Variants in TNR observed in about 807,000 individuals in gnomAD.
TNR encodes the protein tenascin R, also known as tenascin-R.
Under a neutral mutation model 150.4 loss-of-function variants are expected in TNR, and 45 were observed. The observed-to-expected ratio is 0.30, with a 90% CI of 0.24 to 0.38. The LOEUF (loss-of-function observed/expected upper bound fraction) is 0.38, where lower values mean the gene tolerates loss of function less well. TNR is among the 10% of genes least tolerant of loss of function. The pLI is 1.00. For synonymous variants in TNR, 687 were observed against 678.4 expected, an observed-to-expected ratio of 1.01 and a Z score of -0.20; for missense variants, 1,544 against 1,759.1, an observed-to-expected ratio of 0.88 and a Z score of 2.19.
intron 2 of TNR, among the ~76,000 whole-genome samples, chr1:175,431,634 A>AT (rs1655264353): frequency 7.9e-6 from 1 of 126,128 alleles, no homozygotes; most frequent in African/African-American, 3.2e-5. Context: ...ACTGACAATA[A>AT]CTTTTTTTTT....
At chr1:175,544,331 TAA>T (rs1660607784) in intron 1 of TNR, among the ~76,000 whole-genome samples, 1 of 152,064 alleles carries the variant, frequency 6.6e-6, no homozygotes, top group African/African-American at 2.4e-5. Context: ...GCAGAGTAAG[TAA>T]AGAGTAGGGA....
intron 1 of TNR, among the ~76,000 whole-genome samples, chr1:175,605,401 T>C (rs1472799378): frequency 6.6e-6 from 1 of 152,224 alleles, no homozygotes; most frequent in African/African-American, 2.4e-5. Context: ...CCAGCGCATG[T>C]ATACACTTAC....
chr1:175,568,733 G>A (rs915778255), intron 1 of TNR, among the ~76,000 whole-genome samples: 1 of 152,202 alleles, frequency 6.6e-6, no homozygotes, highest in Non-Finnish European at 1.5e-5. Context: ...AGAGCAATGT[G>A]CTGAGGCTAG....
chr1:175,687,852 C>T (rs1338448364), intron 1 of TNR, among the ~76,000 whole-genome samples: 3 of 152,046 alleles, frequency 2.0e-5, no homozygotes, highest in African/African-American at 7.2e-5. Flanking sequence ...TGTTAGCGCC[C>T]CCCACCACAC....
chr1:175,696,007 TGGATGGAC>T (rs1002599973), intron 1 of TNR, among the ~76,000 whole-genome samples: 74 of 152,038 alleles, frequency 4.9e-4, no homozygotes, highest in Middle Eastern at 6.8e-3. Context: ...GATGGATGGA[TGGATGGAC>T]AGATAGATTA....
intron 2 of TNR, among the ~76,000 whole-genome samples, chr1:175,503,366 G>A (rs764458989): frequency 2.6e-5 from 4 of 152,100 alleles, no homozygotes; most frequent in Non-Finnish European, 5.9e-5. Context: ...CATATGGAAG[G>A]AATCAATATA....
At chr1:175,522,069 A>C (rs578139923) in intron 2 of TNR, among the ~76,000 whole-genome samples, 13 of 152,174 alleles carry the variant, frequency 8.5e-5, no homozygotes, top group Admixed American at 6.5e-5. Context: ...CCTTTCTCTT[A>C]ATTTTCCTTT....
rs568019132 is a variant in TNR at position 175,549,617 on chromosome 1, C to A, written c.-164-21248G>T. On this transcript the variant is annotated intron_variant, in intron 1 of 22. Coordinates refer to ENST00000367674, the MANE Select transcript of TNR (RefSeq NM_003285.3). ...TGGGCCTGTCCTAATCGCATGAGAA[C>A]TTTAAAAGCCTTACTTTTTTTCAGC... 2.0e-5 allele frequency among the ~76,000 whole-genome samples: 3 copies of A among 152,262 alleles called. No homozygotes were observed. The South Asian group carries it at 6.2e-4, about 32-fold the overall frequency.
intron 2 of TNR, among the ~76,000 whole-genome samples, chr1:175,474,629 A>G (rs886364199): frequency 2.0e-5 from 3 of 152,250 alleles, no homozygotes; most frequent in Middle Eastern, 3.2e-3. Flanking sequence ...ATCCAAGGGC[A>G]TGAGAGGGCA....
intron 18 of TNR, among the ~76,000 whole-genome samples, chr1:175,348,932 A>T (rs1388761589): frequency 2.0e-5 from 3 of 152,238 alleles, no homozygotes; most frequent in African/African-American, 7.2e-5. Context: ...GACAAACTAT[A>T]TGAGCAGGAA....
intron 1 of TNR, among the ~76,000 whole-genome samples, chr1:175,674,304 C>T (rs1280448572): frequency 6.6e-6 from 1 of 152,216 alleles, no homozygotes; most frequent in Non-Finnish European, 1.5e-5. Context: ...AGCTCCCCTC[C>T]TGAGCAATTC....
chr1:175,369,066 T>C lies in TNR; in HGVS notation c.1964-1769A>G, dbSNP rs192226576. Among the ~76,000 whole-genome samples, 986 of 152,320 alleles carry C rather than the reference T, an allele frequency of 6.5e-3. 4 individuals are homozygous for C. Among genetic ancestry groups the C allele is most frequent in the Non-Finnish European group, 7.6e-3 (517 of 68,030 alleles). Reference sequence around the variant, plus strand: ...TCTGAGTCCTTCCGGTAGGCTCTTTTTGGGGCTTTGTGTGGGCTCATGGCT... The same window carrying C: ...TCTGAGTCCTTCCGGTAGGCTCTTTCTGGGGCTTTGTGTGGGCTCATGGCT... On this transcript the variant is annotated intron_variant, in intron 9 of 22. Transcript: ENST00000367674.
At chr1:175,706,509 AC>A (rs1264490619) in intron 1 of TNR, among the ~76,000 whole-genome samples, 1 of 152,046 alleles carries the variant, frequency 6.6e-6, no homozygotes. Flanking sequence ...GGCCACGTCC[AC>A]CCACTGGTCT....
At chr1:175,375,870 T>C (rs1351539991) in intron 9 of TNR, among the ~76,000 whole-genome samples, 1 of 152,208 alleles carries the variant, frequency 6.6e-6, no homozygotes, top group African/African-American at 2.4e-5. Context: ...AGTTCTTGAA[T>C]AGGGATATAT....
intron 1 of TNR, among the ~76,000 whole-genome samples, chr1:175,539,728 T>C (rs958424770): frequency 6.6e-6 from 1 of 152,198 alleles, no homozygotes; most frequent in African/African-American, 2.4e-5. Context: ...TGCAGTGTGA[T>C]TGGAAGGTCT....
chr1:175,634,094 T>C (rs1047340548), intron 1 of TNR, among the ~76,000 whole-genome samples: 4 of 152,184 alleles, frequency 2.6e-5, no homozygotes, highest in African/African-American at 9.6e-5. Flanking sequence ...CTTGACACAA[T>C]GAATGGCCCC....
intron 1 of TNR, among the ~76,000 whole-genome samples, chr1:175,612,926 C>T (rs1025427247): frequency 6.6e-6 from 1 of 152,178 alleles, no homozygotes; most frequent in Non-Finnish European, 1.5e-5. Context: ...AACACAGCCC[C>T]CCTTTCCCTC....
At chr1:175,376,663 G>T (rs923801854) in intron 9 of TNR, among the ~76,000 whole-genome samples, 2 of 151,914 alleles carry the variant, frequency 1.3e-5, no homozygotes, top group Admixed American at 6.6e-5. Context: ...CTTTTTCATG[G>T]CTCTCCCTTC....
chr1:175,522,704 G>C (rs1659689318), intron 2 of TNR, among the ~76,000 whole-genome samples: 1 of 152,096 alleles, frequency 6.6e-6, no homozygotes, highest in Non-Finnish European at 1.5e-5. Context: ...TAACCTCAGG[G>C]TTGTAAAAAG....
Sources: allele counts gnomAD v4.1 joint callset (sites outside exome capture counted in the v4.1 genomes callset), GRCh38; gene constraint gnomAD v4.1.1; transcripts MANE v1.5; gene names NCBI Gene and HGNC (gene_info 2026-07-23, HGNC 2026-07-21).